The following EIF4EBP1 variants were observed in gnomAD, a reference collection of about 807,000 sequenced individuals.
EIF4EBP1 encodes the protein eukaryotic translation initiation factor 4E binding protein 1.
Under a neutral mutation model 9.2 loss-of-function variants are expected in EIF4EBP1, and 5 were observed. The observed-to-expected ratio is 0.54, with a 90% CI of 0.28 to 1.14. EIF4EBP1 has a LOEUF of 1.14. Ranked by LOEUF, EIF4EBP1 falls within the 50% of genes most tolerant of loss-of-function variation. The pLI, the probability that EIF4EBP1 is intolerant of heterozygous loss-of-function variation, is 0.09. For missense variants in EIF4EBP1, 139 were observed against 169.6 expected (o/e 0.82, Z 1.00); for synonymous variants, 62 against 67.0 (o/e 0.93, Z 0.36).
In EIF4EBP1 at chr8:38,043,367, C is replaced by CTTT. The variant is rs60303823; in HGVS notation, c.145+12662_145+12664dup. Among the ~76,000 whole-genome samples, 131 of 139,590 alleles carry CTTT rather than the reference C, an allele frequency of 9.4e-4. 1 individual carries two copies. Among genetic ancestry groups the CTTT allele is most frequent in the African/African-American group, 3.3e-3 (126 of 37,796 alleles). The allele number at this position is 139,590 out of a possible 152,430, so 91.6% of individuals were successfully genotyped here. Reference sequence around the variant, plus strand: ...TTTTCTTTTCTTTTCTTTTCTTTTTCTTTTTTTTTTTTTTTGAGATGGAGT... The same window carrying CTTT: ...TTTTCTTTTCTTTTCTTTTCTTTTTCTTTTTTTTTTTTTTTTTTGAGATGGAGT... On this transcript the variant is annotated intron_variant, in intron 1 of 2. Transcript: ENST00000338825.
At chr8:38,033,217 AC>A (rs1809250179) in intron 1 of EIF4EBP1, among the ~76,000 whole-genome samples, 1 of 151,428 alleles carries the variant, frequency 6.6e-6, no homozygotes, top group Non-Finnish European at 1.5e-5. Context: ...GGCATGCACC[AC>A]CCATGCCCAG....
chr8:38,031,550 C>T (rs570175801), intron 1 of EIF4EBP1, among the ~76,000 whole-genome samples: 1 of 152,288 alleles, frequency 6.6e-6, no homozygotes, highest in South Asian at 2.1e-4. Context: ...CTCTCTCCTC[C>T]CCTCTCATTG....
In EIF4EBP1 at chr8:38,030,637, G is replaced by C; in HGVS notation, c.64G>C (p.Val22Leu). The change falls in exon 1 of 3, where the codon GTG (valine) becomes CTG (leucine). Residue 22 changes from valine to leucine, a missense_variant. Val to Leu is a conservative substitution (Grantham distance 32, BLOSUM62 1). Coordinates refer to ENST00000338825, the MANE Select transcript of EIF4EBP1 (RefSeq NM_004095.4). ...SRAIPATRRVVLGDGVQLPPG... is the reference protein window; with the variant it reads ...SRAIPATRRVLLGDGVQLPPG... ...GGCCATCCCCGCCACTCGCCGGGTG[G>C]TGCTCGGCGACGGCGTGCAGCTCCC... The C allele has an allele frequency of 6.6e-7, 1 of 1,512,824 alleles. No individual in the cohort carries two copies. The highest frequency in any genetic ancestry group is 8.8e-7 in the Non-Finnish European group (1 of 1,137,342). The allele number at this position is 1,512,824 out of a possible 1,614,324, so 93.7% of individuals were successfully genotyped here.
intron 1 of EIF4EBP1, among the ~76,000 whole-genome samples, chr8:38,037,528 T>A (rs1374384582): frequency 6.6e-6 from 1 of 151,864 alleles, no homozygotes; most frequent in Non-Finnish European, 1.5e-5. Context: ...TTGGCCAGGA[T>A]GGTCTCAATC....
chr8:38,052,835 G>A (rs912323076), intron 1 of EIF4EBP1, among the ~76,000 whole-genome samples: 4 of 151,812 alleles, frequency 2.6e-5, no homozygotes, highest in African/African-American at 7.3e-5. Flanking sequence ...TTGCAGGTGC[G>A]AGCCACCTCA....
At chr8:38,030,789 A>C (rs1809205678) in intron 1 of EIF4EBP1, 71 bp downstream of exon 1, 5 of 1,370,258 alleles carry the variant, frequency 3.6e-6, no homozygotes, top group Non-Finnish European at 4.7e-6. Context: ...CGCGGATTGG[A>C]CCGGGTGTCC....
At chr8:38,054,348 G>A (rs1809565706) in intron 1 of EIF4EBP1, among the ~76,000 whole-genome samples, 2 of 152,238 alleles carry the variant, frequency 1.3e-5, no homozygotes. Flanking sequence ...CTACTGGGGA[G>A]GCTGAGGCGG....
chr8:38,041,743 C>T (rs1809383468), intron 1 of EIF4EBP1, among the ~76,000 whole-genome samples: 1 of 152,202 alleles, frequency 6.6e-6, no homozygotes, highest in Non-Finnish European at 1.5e-5. Context: ...GTAATCCCAG[C>T]ACTGTGGGAA....
At chr8:38,042,382 C>T (rs1230948111) in intron 1 of EIF4EBP1, among the ~76,000 whole-genome samples, 1 of 152,184 alleles carries the variant, frequency 6.6e-6, no homozygotes, top group East Asian at 1.9e-4. Flanking sequence ...GTGGTGTAAA[C>T]AGATTTCTCT....
chr8:38,047,660 T>G (rs1389070695), intron 1 of EIF4EBP1, among the ~76,000 whole-genome samples: 1 of 152,136 alleles, frequency 6.6e-6, no homozygotes, highest in Admixed American at 6.5e-5. Flanking sequence ...AATTTTTGTA[T>G]TTTTAGTAAA....
At chr8:38,053,050 G>A (rs543551960) in intron 1 of EIF4EBP1, among the ~76,000 whole-genome samples, 27 of 152,250 alleles carry the variant, frequency 1.8e-4, no homozygotes, top group African/African-American at 6.0e-4. Flanking sequence ...AGTCTTGCTT[G>A]CTCTGTTGCC....
At chr8:38,053,406 G>A (rs1213635060) in intron 1 of EIF4EBP1, among the ~76,000 whole-genome samples, 3 of 151,758 alleles carry the variant, frequency 2.0e-5, no homozygotes, top group Non-Finnish European at 4.4e-5. Flanking sequence ...TCACTGGAGC[G>A]CAGTGGCGCC....
At chr8:38,040,434 G>A (rs1809361558) in intron 1 of EIF4EBP1, among the ~76,000 whole-genome samples, 1 of 152,150 alleles carries the variant, frequency 6.6e-6, no homozygotes, top group South Asian at 2.1e-4. Flanking sequence ...GGGACACTTG[G>A]TGAAAATGGT....
chr8:38,048,393 T>A (rs546134504), intron 1 of EIF4EBP1, among the ~76,000 whole-genome samples: 6 of 152,284 alleles, frequency 3.9e-5, no homozygotes, highest in East Asian at 3.8e-4. Context: ...ATATATTTTT[T>A]AAAAAAAGCA....
intron 1 of EIF4EBP1, among the ~76,000 whole-genome samples, chr8:38,046,705 C>T (rs1437653938): frequency 2.6e-5 from 4 of 152,154 alleles, no homozygotes; most frequent in South Asian, 2.1e-4. Context: ...TCATCATTGT[C>T]GTCGCCAATC....
At chr8:38,040,588 A>G (rs967753029) in intron 1 of EIF4EBP1, among the ~76,000 whole-genome samples, 1 of 152,196 alleles carries the variant, frequency 6.6e-6, no homozygotes, top group African/African-American at 2.4e-5. Flanking sequence ...CATACAGTGT[A>G]CAGCTGGACT....
intron 1 of EIF4EBP1, among the ~76,000 whole-genome samples, chr8:38,047,933 G>T (rs1809467285): frequency 6.6e-6 from 1 of 152,140 alleles, no homozygotes. Flanking sequence ...CTCCTCAGGA[G>T]GCTGAGGCGG....
chr8:38,050,599 C>G (rs918887514), intron 1 of EIF4EBP1, among the ~76,000 whole-genome samples: 19 of 152,142 alleles, frequency 1.2e-4, no homozygotes, highest in African/African-American at 4.6e-4. Flanking sequence ...ATCCGCCTGC[C>G]TCGGTCTTTT....
intron 1 of EIF4EBP1, among the ~76,000 whole-genome samples, chr8:38,053,687 C>G (rs572861036): frequency 2.0e-5 from 3 of 152,170 alleles, no homozygotes; most frequent in Non-Finnish European, 4.4e-5. Flanking sequence ...AAGCAAAATG[C>G]GCGCACACTC....
Sources: allele counts gnomAD v4.1 joint callset (sites outside exome capture counted in the v4.1 genomes callset), GRCh38; gene constraint gnomAD v4.1.1; transcripts MANE v1.5; gene names NCBI Gene and HGNC (gene_info 2026-07-23, HGNC 2026-07-21).